The following DGKA variants were observed in gnomAD, a reference collection of about 807,000 sequenced individuals.
DGKA encodes the protein 80 kDa diacylglycerol kinase.
Under a neutral mutation model 105.0 loss-of-function variants are expected in DGKA, and 35 were observed. The observed-to-expected ratio is 0.33, with a 90% CI of 0.25 to 0.44. The LOEUF is 0.44. Among genes scored for constraint, DGKA ranks in the 20% least tolerant of loss-of-function variants. DGKA has a pLI of 1.00. For missense variants in DGKA, 665 were observed against 915.0 expected, an observed-to-expected ratio of 0.73 and a Z score of 3.53; for synonymous variants, 296 against 332.0, an observed-to-expected ratio of 0.89 and a Z score of 1.18.
intron 17 of DGKA, among the ~76,000 whole-genome samples, chr12:55,945,141 C>T (rs920193464): frequency 6.6e-6 from 1 of 152,072 alleles, no homozygotes; most frequent in Non-Finnish European, 1.5e-5. Context: ...AGGAGGAAGA[C>T]CAGTTTAAGG....
rs1047763811 is a variant in DGKA, at chr12:55,932,287, G to T, written c.-82+943G>T. On this transcript the variant is annotated intron_variant, in intron 1 of 23. Coordinates refer to ENST00000331886, the MANE Select transcript of DGKA (RefSeq NM_001345.5). The surrounding 1 kb of genome is among the most constrained non-coding windows in gnomAD (Gnocchi z 4.3). ...AGAAGGGTCTGCGCTGGGACGCGGG[G>T]GTGCAGCGGGAGGGCTGGGCCCGAA... 1.9e-6 allele frequency: 1 copy of T among 529,452 alleles called. No individual in the cohort carries two copies. Among genetic ancestry groups the T allele is most frequent in the African/African-American group, 1.9e-5 (1 of 52,168 alleles). 32.8% of individuals were successfully genotyped at this position (529,452 alleles called of 1,614,324 possible).
At position 55,932,286 on chromosome 12, in the gene DGKA, G is replaced by A. The variant is rs1055417224; in HGVS notation, c.-82+942G>A. 7.6e-6 allele frequency: 4 copies of A among 528,138 alleles called. No homozygotes were observed. Among genetic ancestry groups the A allele is most frequent in the African/African-American group, 1.9e-5 (1 of 52,150 alleles). 32.7% of individuals were successfully genotyped at this position (528,138 alleles called of 1,614,324 possible). On this transcript the variant is annotated intron_variant, in intron 1 of 23. Coordinates refer to ENST00000331886, the MANE Select transcript of DGKA (RefSeq NM_001345.5). The surrounding 1 kb of genome is among the most constrained non-coding windows in gnomAD (Gnocchi z 4.3). Reference sequence around the variant, plus strand: ...GAGAAGGGTCTGCGCTGGGACGCGGGGGTGCAGCGGGAGGGCTGGGCCCGA... The same window carrying A: ...GAGAAGGGTCTGCGCTGGGACGCGGAGGTGCAGCGGGAGGGCTGGGCCCGA...
chr12:55,927,827 G>C, upstream of DGKA: 1 of 1,514,400 alleles, frequency 6.6e-7, no homozygotes, highest in Non-Finnish European at 8.8e-7. Context: ...GCTGGGCGGC[G>C]CCGGGGATTC....
chr12:55,935,762 TG>T, intron 1 of DGKA: 1 of 526,226 alleles, frequency 1.9e-6, no homozygotes, highest in Non-Finnish European at 2.4e-6. Flanking sequence ...CCTTCCCTAG[TG>T]GAGCTCCGCG....
intron 5 of DGKA, 103 bp from the exon 6 acceptor site, chr12:55,938,408 C>T (rs1043162363): frequency 6.7e-7 from 1 of 1,483,372 alleles, no homozygotes; most frequent in Middle Eastern, 1.8e-4. Flanking sequence ...AGGCTTCTCA[C>T]CCAAAAGCTC....
chr12:55,952,036 A>T lies in DGKA; in HGVS notation c.1589A>T (p.Asp530Val). 1.9e-6 allele frequency: 3 copies of T among 1,614,064 alleles called. No individual in the cohort carries two copies. The highest frequency in any genetic ancestry group is 2.5e-6 in the Non-Finnish European group (3 of 1,180,022). Residue 530 changes from aspartate to valine, a missense_variant and splice_region_variant, in exon 19 of 24, where the codon GAT (aspartate) becomes GTT (valine). Coordinates refer to ENST00000331886, the MANE Select transcript of DGKA (RefSeq NM_001345.5). This position sits in a 1 kb window ranked among gnomAD's most constrained non-coding sequence, Gnocchi z 5.1. ...IINNYFSIGV[D>V]ASIAHRFHIM... ...ACCTTCATGTCCCGAACTCTCCAGGATGCCTCTATTGCTCATCGATTCCAC... is the reference window on the plus strand; with the variant it reads ...ACCTTCATGTCCCGAACTCTCCAGGTTGCCTCTATTGCTCATCGATTCCAC...
upstream of DGKA, among the ~76,000 whole-genome samples, chr12:55,928,671 C>T (rs1361298474): frequency 4.6e-5 from 5 of 109,564 alleles, no homozygotes; most frequent in Non-Finnish European, 9.2e-5. Context: ...AGTGGGACCC[C>T]GTCTCAAAAA....
At chr12:55,938,178 AG>A in intron 5 of DGKA, 126 bp downstream of exon 5, 1 of 847,738 alleles carries the variant, frequency 1.2e-6, no homozygotes, top group South Asian at 1.6e-5. Flanking sequence ...GTGGGGCCAG[AG>A]AATGAGCCCA....
chr12:55,937,278 A>G (rs1884947422), intron 3 of DGKA, 130 bp from the exon 4 acceptor site: 3 of 1,290,618 alleles, frequency 2.3e-6, no homozygotes, highest in East Asian at 4.6e-5. Flanking sequence ...GACTTAATCA[A>G]AGAAACCATA....
chr12:55,941,169 G>A (rs1392605199), intron 13 of DGKA, 83 bp from the exon 14 acceptor site: 2 of 1,438,760 alleles, frequency 1.4e-6, no homozygotes, highest in Non-Finnish European at 9.5e-7. Flanking sequence ...TGGAATGCTA[G>A]CCCTCTGCCC....
chr12:55,946,824 C>T (rs930908206), intron 17 of DGKA, among the ~76,000 whole-genome samples: 1 of 152,068 alleles, frequency 6.6e-6, no homozygotes, highest in Non-Finnish European at 1.5e-5. Context: ...AAAATGAGAA[C>T]GAAAGATACA....
intron 1 of DGKA, among the ~76,000 whole-genome samples, chr12:55,933,169 AC>A (rs1349453895): frequency 4.6e-5 from 7 of 152,224 alleles, no homozygotes; most frequent in African/African-American, 1.7e-4. Flanking sequence ...AGTGGAATGT[AC>A]TAAGGATGGG....
rs751599581 is a variant in DGKA at position 55,953,091 on chromosome 12, T to C, written c.1994T>C (p.Met665Thr). ...EVVGLEGAIE[M>T]GQIYTKLKNA... is the part of the protein sequence containing the mutation. The stretch of plus-strand genomic sequence containing the variant: ...GTTGGGCTGGAGGGTGCAATTGAGA[T>C]GGGCCAAATCTATACCAAGCTCAAG... Residue 665 changes from methionine to threonine, a missense_variant, in exon 22 of 24, where the codon ATG (methionine) becomes ACG (threonine). Transcript: ENST00000331886. 6.2e-7 allele frequency: 1 copy of C among 1,614,138 alleles called. No homozygotes were observed. Among genetic ancestry groups the C allele is most frequent in the Non-Finnish European group, 8.5e-7 (1 of 1,180,036 alleles).
intron 2 of DGKA, chr12:55,936,809 A>G (rs751021537): frequency 2.5e-6 from 2 of 798,110 alleles, no homozygotes; most frequent in East Asian, 2.5e-5. Flanking sequence ...CACCTTCGCT[A>G]TACCTGGACT....
In DGKA at chr12:55,936,532, C is replaced by T; in HGVS notation, c.29C>T (p.Pro10Leu). 1.2e-6 allele frequency: 2 copies of T among 1,614,134 alleles called. No homozygotes were observed. The highest frequency in any genetic ancestry group is 1.7e-6 in the Non-Finnish European group (2 of 1,180,012). ...GCCAAGGAGAGGGGCCTAATAAGCCCCAGTGATTTTGCCCAGCTGCAAAAA... is the reference window on the plus strand; with the variant it reads ...GCCAAGGAGAGGGGCCTAATAAGCCTCAGTGATTTTGCCCAGCTGCAAAAA... MAKERGLIS[P>L]SDFAQLQKYM... Residue 10 changes from proline (P) to leucine (L), a missense_variant, in exon 2 of 24, where the codon CCC (proline) becomes CTC (leucine). Pro to Leu is a moderately conservative substitution (Grantham distance 98). Transcript: ENST00000331886.
At chr12:55,939,699 C>T in intron 9 of DGKA, 170 bp downstream of exon 9, 1 of 660,960 alleles carries the variant, frequency 1.5e-6, no homozygotes. Context: ...GTTTCCTCAA[C>T]TGAAAATGAG....
At position 55,940,170 on chromosome 12, in the gene DGKA, T is replaced by G; in HGVS notation, c.798T>G (p.Gly266=). 1 of 1,614,098 alleles carries G rather than the reference T, an allele frequency of 6.2e-7. No individual in the cohort carries two copies. Among genetic ancestry groups the G allele is most frequent in the Non-Finnish European group, 8.5e-7 (1 of 1,179,930 alleles). ...ATGCCAAGTCTCGGAAGGACATTGG[T>G]GTGAGTGATCTCATGCCTCCACCCC... ...STYAKSRKDI[G]VQSHVWVRGG... Residue 266 remains glycine, a splice_region_variant and synonymous_variant, in exon 10 of 24, where the codon GGT becomes GGG. Transcript: ENST00000331886. This position sits in a 1 kb window ranked among gnomAD's most constrained non-coding sequence, Gnocchi z 4.3.
Position 55,952,929 on chromosome 12 carries a change from C to T in DGKA, c.1939C>T (p.Pro647Ser). Residue 647 changes from proline to serine, a missense_variant, in exon 21 of 24, where the codon CCA (proline) becomes TCA (serine). By Grantham distance (74) the Pro-to-Ser change is moderately conservative. This residue lies in a region of DGKA where 158 missense variants were observed against 213.4 expected (regional missense o/e 0.74). Coordinates refer to ENST00000331886, the MANE Select transcript of DGKA (RefSeq NM_001345.5). This position sits in a 1 kb window ranked among gnomAD's most constrained non-coding sequence, Gnocchi z 5.1. ...CCCTGATATCCTGAAAACCTGTGTA[C>T]CAGGTGAGAGGAGCAGCCTTGGGAG... ...TDPDILKTCV[P>S]DLSDKRLEVV... is the part of the protein sequence containing the mutation. 1 of 1,614,140 alleles carries T rather than the reference C, an allele frequency of 6.2e-7. No individual in the cohort carries two copies. The highest frequency in any genetic ancestry group is 8.5e-7 in the Non-Finnish European group (1 of 1,180,020).
chr12:55,927,388 C>G (rs935346177), upstream of DGKA: 4 of 716,658 alleles, frequency 5.6e-6, no homozygotes, highest in Non-Finnish European at 1.0e-5. Flanking sequence ...CACAGTCCCT[C>G]TCATCCCCAG....
Sources: allele counts gnomAD v4.1 joint callset (sites outside exome capture counted in the v4.1 genomes callset), GRCh38; gene constraint gnomAD v4.1.1; regional missense constraint gnomAD v4.1.1; non-coding constraint Gnocchi (gnomAD v3.1); transcripts MANE v1.5; gene names NCBI Gene and HGNC (gene_info 2026-07-23, HGNC 2026-07-21).